Variants in DSCAM observed in about 807,000 individuals in gnomAD.
DSCAM encodes the protein DS cell adhesion molecule, also known as cell adhesion molecule DSCAM.
In DSCAM, 47 loss-of-function variants were observed where a neutral mutation model predicts 217.7. The ratio of observed to expected loss-of-function variants is 0.22; its 90% CI spans 0.17 to 0.28. The LOEUF is 0.28. Ranked by LOEUF, DSCAM falls within the 10% of genes least tolerant of loss-of-function variation. The pLI, the probability that DSCAM is intolerant of heterozygous loss-of-function variation, is 1.00. For synonymous variants in DSCAM, 1,056 were observed against 1,015.3 expected (o/e 1.04, Z -0.76); for missense variants, 2,080 against 2,618.3 (o/e 0.79, Z 4.49).
intron 3 of DSCAM, among the ~76,000 whole-genome samples, chr21:40,376,573 C>A (rs143442515): frequency 0.12 from 10,166 of 83,054 alleles, 2,011 homozygotes; most frequent in Non-Finnish European, 0.15. Flanking sequence ...TATCTTATAT[C>A]GATATCTATA....
At chr21:40,060,152 T>C (rs2089093264) in intron 28 of DSCAM, among the ~76,000 whole-genome samples, 1 of 152,204 alleles carries the variant, frequency 6.6e-6, no homozygotes, top group Admixed American at 6.5e-5. Context: ...GTAACTATCA[T>C]AAGTGGTTGT....
intron 1 of DSCAM, among the ~76,000 whole-genome samples, chr21:40,728,034 C>G (rs779840291): frequency 3.9e-5 from 6 of 152,170 alleles, no homozygotes; most frequent in Admixed American, 6.5e-5. Flanking sequence ...GCCGTCTCCC[C>G]CTCAGGGATG....
chr21:40,646,195 T>C (rs1186718210), intron 3 of DSCAM, among the ~76,000 whole-genome samples: 1 of 152,062 alleles, frequency 6.6e-6, no homozygotes, highest in Non-Finnish European at 1.5e-5. Flanking sequence ...GGCAGGTGGA[T>C]CATGAGATCA....
intron 10 of DSCAM, among the ~76,000 whole-genome samples, chr21:40,284,824 A>G (rs560052401): frequency 1.3e-5 from 2 of 152,314 alleles, no homozygotes; most frequent in South Asian, 2.1e-4. Context: ...GACACCGTCC[A>G]GGTTACTTCT....
At chr21:40,738,301 G>A (rs1449985866) in intron 1 of DSCAM, among the ~76,000 whole-genome samples, 1 of 152,190 alleles carries the variant, frequency 6.6e-6, no homozygotes, top group South Asian at 2.1e-4. Flanking sequence ...TCTAACTCTT[G>A]CTCTTTTCCT....
rs139240599 is a variant in DSCAM, at chr21:40,165,072, G to A, written c.3018+2146C>T. 5.0e-3 allele frequency among the ~76,000 whole-genome samples: 761 copies of A among 152,122 alleles called. 6 individuals carry two copies. The highest frequency in any genetic ancestry group is 0.017 in the African/African-American group (695 of 41,500). On this transcript the variant is annotated intron_variant, in intron 16 of 32. Transcript: ENST00000400454. ...CATCTTTTACTTCTGATCAGTGTCCGTGACCATGAATGAGCTTCCACCTTA... is the reference window on the plus strand; with the variant it reads ...CATCTTTTACTTCTGATCAGTGTCCATGACCATGAATGAGCTTCCACCTTA...
rs548562230 is a variant in DSCAM, at chr21:40,771,514, G to A, written c.44-62743C>T. ...CAATTTCTCCTCTCCGCACCTACAC[G>A]GGGGAAGGCTTCCGGACCAGGTTTC... On this transcript the variant is annotated intron_variant, in intron 1 of 32. Coordinates refer to ENST00000400454, the MANE Select transcript of DSCAM (RefSeq NM_001389.5). Among the ~76,000 whole-genome samples the A allele has an allele frequency of 2.6e-5, 4 of 152,284 alleles. No individual in the cohort carries two copies. The East Asian group carries it at 5.8e-4, about 22-fold the overall frequency.
intron 3 of DSCAM, among the ~76,000 whole-genome samples, chr21:40,463,995 C>A (rs563338243): frequency 5.3e-5 from 8 of 152,088 alleles, no homozygotes; most frequent in African/African-American, 1.9e-4. Flanking sequence ...TTTGCCATCT[C>A]ATCCTTCCCC....
In DSCAM at chr21:40,199,713, G is replaced by A. The variant is rs371691324; in HGVS notation, c.2357-10475C>T. 3.3e-5 allele frequency among the ~76,000 whole-genome samples: 5 copies of A among 151,924 alleles called. No individual in the cohort carries two copies. The South Asian group carries it at 1.0e-3, about 32-fold the overall frequency. On this transcript the variant is annotated intron_variant, in intron 11 of 32. Transcript: ENST00000400454. Reference sequence around the variant, plus strand: ...TTCTGACTATTCTCACTTATAAGTGGGAGTTGATCAATGAGAATACGTGGA... The same window carrying A: ...TTCTGACTATTCTCACTTATAAGTGAGAGTTGATCAATGAGAATACGTGGA...
chr21:40,097,956 AAGAAAGAAAGAAAGAAAGAAAGAAAG>A (rs1280959058), intron 20 of DSCAM, among the ~76,000 whole-genome samples: 2 of 33,934 alleles, frequency 5.9e-5, no homozygotes, highest in African/African-American at 3.8e-4. Flanking sequence ...AAAAAAAAAA[AAGAAAGAAAGAAAGAAAGAAAGAAAG>A]AAAGAAAGAA....
At chr21:40,037,196 T>C (rs1470871850) in intron 32 of DSCAM, among the ~76,000 whole-genome samples, 2 of 148,864 alleles carry the variant, frequency 1.3e-5, no homozygotes, top group African/African-American at 5.1e-5. Flanking sequence ...AAATAAAGGG[T>C]ATTCAAGTAG....
At chr21:40,031,742 G>A (rs895377692) in intron 32 of DSCAM, among the ~76,000 whole-genome samples, 5 of 152,160 alleles carry the variant, frequency 3.3e-5, no homozygotes, top group Non-Finnish European at 1.5e-5. Flanking sequence ...AAAGACCATC[G>A]TCTTCCAATG....
intron 3 of DSCAM, among the ~76,000 whole-genome samples, chr21:40,435,429 A>G (rs1029368109): frequency 2.0e-5 from 3 of 152,116 alleles, no homozygotes; most frequent in Admixed American, 2.0e-4. Context: ...TATAATCTTT[A>G]TGTCAAACCC....
chr21:40,826,177 C>G lies in DSCAM; in HGVS notation c.43+20442G>C, dbSNP rs538720609. On this transcript the variant is annotated intron_variant, in intron 1 of 32. Transcript: ENST00000400454. ...TCAAGGAGGCCACTTTGTTTTAGAT[C>G]AGGTGGTCAGGGAGACCTCTCTTAG... 1.1e-4 allele frequency among the ~76,000 whole-genome samples: 16 copies of G among 152,332 alleles called. No individual in the cohort carries two copies. The South Asian group carries it at 3.3e-3, about 32-fold the overall frequency.
chr21:40,389,176 A>C (rs55821142), intron 3 of DSCAM, among the ~76,000 whole-genome samples: 106 of 152,334 alleles, frequency 7.0e-4, no homozygotes, highest in Non-Finnish European at 1.2e-3. Flanking sequence ...TCTTCTGATA[A>C]ATTATTCTCA....
At chr21:40,681,844 G>A (rs1001798274) in intron 3 of DSCAM, among the ~76,000 whole-genome samples, 2 of 152,288 alleles carry the variant, frequency 1.3e-5, no homozygotes, top group East Asian at 1.9e-4. Flanking sequence ...GGGAGGGACT[G>A]GATGGAGTGA....
chr21:40,517,315 T>G (rs1312771138), intron 3 of DSCAM, among the ~76,000 whole-genome samples: 1 of 150,382 alleles, frequency 6.6e-6, no homozygotes, highest in Non-Finnish European at 1.5e-5. Flanking sequence ...CAAATGTACA[T>G]ATTCACCTTA....
chr21:40,047,632 A>C (rs753837512), intron 30 of DSCAM, among the ~76,000 whole-genome samples: 49 of 152,220 alleles, frequency 3.2e-4, no homozygotes, highest in Admixed American at 1.5e-3. Flanking sequence ...TCATGGTATT[A>C]ATCTGCTTTC....
At chr21:40,507,706 C>T (rs577569650) in intron 3 of DSCAM, among the ~76,000 whole-genome samples, 1 of 152,288 alleles carries the variant, frequency 6.6e-6, no homozygotes, top group South Asian at 2.1e-4. Flanking sequence ...AGGAGGATCT[C>T]TTGAGCCTGG....
Sources: gnomAD v4.1 joint callset for allele counts (sites outside exome capture counted in the v4.1 genomes callset) on GRCh38, gnomAD v4.1.1 for gene constraint, MANE v1.5 for transcripts, NCBI Gene and HGNC (gene_info 2026-07-23, HGNC 2026-07-21) for gene names.